The following ADK variants were observed in gnomAD, a reference collection of about 807,000 sequenced individuals.
The protein encoded by ADK is adenosine kinase.
In ADK, 24 loss-of-function variants were observed where a neutral mutation model predicts 44.7. The observed-to-expected ratio is 0.54, with a 90% confidence interval of 0.39 to 0.76. The LOEUF is 0.76. Among genes scored for constraint, ADK ranks in the 30% least tolerant of loss-of-function variants. The pLI is 0.00. For missense variants in ADK, 321 were observed against 425.1 expected (o/e 0.76, Z 2.15); for synonymous variants, 128 against 142.6 (o/e 0.90, Z 0.73).
At chr10:74,625,574 T>C (rs895836405) in intron 9 of ADK, among the ~76,000 whole-genome samples, 4 of 152,112 alleles carry the variant, frequency 2.6e-5, no homozygotes, top group Non-Finnish European at 5.9e-5. Context: ...TTCAGAGGGA[T>C]CAACAAATAC....
At chr10:74,517,294 C>G (rs1315723962) in intron 6 of ADK, among the ~76,000 whole-genome samples, 1 of 152,112 alleles carries the variant, frequency 6.6e-6, no homozygotes, top group Non-Finnish European at 1.5e-5. Flanking sequence ...TATCTTTTTC[C>G]TCATTTTACT....
intron 4 of ADK, among the ~76,000 whole-genome samples, chr10:74,356,610 A>C (rs893769367): frequency 6.6e-6 from 1 of 152,168 alleles, no homozygotes; most frequent in Non-Finnish European, 1.5e-5. Context: ...AGAATAAAAA[A>C]CACTCCTGTT....
chr10:74,486,169 C>G (rs1190892961), intron 6 of ADK, among the ~76,000 whole-genome samples: 2 of 152,080 alleles, frequency 1.3e-5, no homozygotes. Flanking sequence ...TAAGTGAGTT[C>G]TCATGAGATC....
intron 4 of ADK, among the ~76,000 whole-genome samples, chr10:74,359,110 A>G (rs1592097384): frequency 6.6e-6 from 1 of 152,164 alleles, no homozygotes; most frequent in Middle Eastern, 3.4e-3. Flanking sequence ...TTTTGAGTTG[A>G]TTTTTATACA....
intron 6 of ADK, among the ~76,000 whole-genome samples, chr10:74,458,423 G>A (rs1454663008): frequency 6.6e-6 from 1 of 151,218 alleles, no homozygotes; most frequent in African/African-American, 2.4e-5. Flanking sequence ...ACAGGCATGA[G>A]CCACTGTGCC....
At chr10:74,479,077 C>T (rs193032191) in intron 6 of ADK, among the ~76,000 whole-genome samples, 24 of 152,218 alleles carry the variant, frequency 1.6e-4, no homozygotes, top group Admixed American at 5.9e-4. Context: ...CTGCCCACTG[C>T]GACCTCTGCC....
Position 74,285,828 on chromosome 10 carries a change from G to T in ADK, c.195-28839G>T, listed in dbSNP as rs372497530. On this transcript the variant is annotated intron_variant, in intron 3 of 10. Transcript: ENST00000539909. ...GGTAGGTGCAATCAACAGACTTAGT[G>T]GTTTAAAAAGTGAGTGAGAGGTTAT... Among the ~76,000 whole-genome samples, 5 of 152,254 alleles carry T rather than the reference G, an allele frequency of 3.3e-5. 1 individual carries two copies. Among genetic ancestry groups the T allele is most frequent in the African/African-American group, 1.2e-4 (5 of 41,540 alleles).
intron 6 of ADK, among the ~76,000 whole-genome samples, chr10:74,416,040 AC>A (rs1844361424): frequency 3.5e-5 from 1 of 28,482 alleles, no homozygotes; most frequent in African/African-American, 6.8e-5. Flanking sequence ...ATATACACAC[AC>A]ACACACACAC....
chr10:74,221,425 C>G (rs1473744856), intron 2 of ADK, among the ~76,000 whole-genome samples: 2 of 151,856 alleles, frequency 1.3e-5, no homozygotes, highest in African/African-American at 2.4e-5. Context: ...GAATCAATAT[C>G]GTGAAAATGG....
At chr10:74,255,775 T>C (rs1472892013) in intron 3 of ADK, among the ~76,000 whole-genome samples, 3 of 152,242 alleles carry the variant, frequency 2.0e-5, no homozygotes, top group African/African-American at 7.2e-5. Context: ...TTTGCAGTTA[T>C]CTCTCCATGG....
At chr10:74,297,246 T>C (rs995664506) in intron 3 of ADK, among the ~76,000 whole-genome samples, 2 of 152,212 alleles carry the variant, frequency 1.3e-5, no homozygotes, top group African/African-American at 2.4e-5. Context: ...ATTTATGGAG[T>C]TGGATTTACA....
At chr10:74,356,919 A>G (rs1024383933) in intron 4 of ADK, among the ~76,000 whole-genome samples, 1 of 152,076 alleles carries the variant, frequency 6.6e-6, no homozygotes, top group Non-Finnish European at 1.5e-5. Context: ...CAAGGATAAT[A>G]AAAATAAAAG....
At chr10:74,273,173 C>CAAA (rs1242476637) in intron 3 of ADK, among the ~76,000 whole-genome samples, 1 of 130,864 alleles carries the variant, frequency 7.6e-6, no homozygotes, top group African/African-American at 2.8e-5. Context: ...AGAGGACAGC[C>CAAA]AGAAAAAAAA....
At chr10:74,324,595 T>G (rs1840944695) in intron 4 of ADK, among the ~76,000 whole-genome samples, 1 of 152,242 alleles carries the variant, frequency 6.6e-6, no homozygotes, top group Admixed American at 6.5e-5. Flanking sequence ...TTCCTTTTTT[T>G]TGTGGATGAA....
At chr10:74,426,779 T>C (rs1187605351) in intron 6 of ADK, among the ~76,000 whole-genome samples, 3 of 151,600 alleles carry the variant, frequency 2.0e-5, no homozygotes, top group Non-Finnish European at 4.4e-5. Flanking sequence ...GTGAACTTAA[T>C]TCATTTTTTT....
chr10:74,248,702 T>G (rs916484910), intron 3 of ADK, among the ~76,000 whole-genome samples: 3 of 152,218 alleles, frequency 2.0e-5, no homozygotes, highest in Admixed American at 6.5e-5. Context: ...AAAATAACTT[T>G]TTAAACAAGT....
chr10:74,349,317 C>T (rs1453813386), intron 4 of ADK, among the ~76,000 whole-genome samples: 2 of 152,088 alleles, frequency 1.3e-5, no homozygotes, highest in Non-Finnish European at 2.9e-5. Context: ...CCAAACTAAG[C>T]TTCATAAGCT....
chr10:74,194,104 G>A (rs1181473244), intron 1 of ADK, among the ~76,000 whole-genome samples: 1 of 152,094 alleles, frequency 6.6e-6, no homozygotes, highest in Non-Finnish European at 1.5e-5. Flanking sequence ...GTGGCAGCTT[G>A]TATATCTTAT....
At chr10:74,299,058 G>A (rs1305994278) in intron 3 of ADK, among the ~76,000 whole-genome samples, 5 of 152,216 alleles carry the variant, frequency 3.3e-5, no homozygotes, top group African/African-American at 1.2e-4. Flanking sequence ...TGCTGAGTTT[G>A]AAGTGACTGA....
Sources: gnomAD v4.1 joint callset for allele counts (sites outside exome capture counted in the v4.1 genomes callset) on GRCh38, gnomAD v4.1.1 for gene constraint, MANE v1.5 for transcripts, NCBI Gene and HGNC (gene_info 2026-07-23, HGNC 2026-07-21) for gene names.